The following COQ5 variants were observed in gnomAD, a reference collection of about 807,000 sequenced individuals.
COQ5 encodes coenzyme Q5, methyltransferase, also known as 2-methoxy-6-polyprenyl-1,4-benzoquinol methylase, mitochondrial.
In COQ5, 27 loss-of-function variants were observed where a neutral mutation model predicts 40.5. The ratio of observed to expected loss-of-function variants is 0.67; its 90% CI spans 0.49 to 0.92. COQ5 has a LOEUF of 0.92. Ranked by LOEUF, COQ5 falls within the 40% of genes least tolerant of loss-of-function variation. The probability of loss-of-function intolerance (pLI) is 0.00; values close to 1 mark genes in which losing one functional copy is unlikely to be tolerated. For missense variants in COQ5, 409 were observed against 406.4 expected, an observed-to-expected ratio of 1.01 and a Z score of -0.06; for synonymous variants, 141 against 150.0, an observed-to-expected ratio of 0.94 and a Z score of 0.44.
At chr12:120,516,355 T>C (rs1478490342) in intron 3 of COQ5, among the ~76,000 whole-genome samples, 1 of 152,130 alleles carries the variant, frequency 6.6e-6, no homozygotes, top group African/African-American at 2.4e-5. Context: ...CCCAGTCACA[T>C]AGGGCTGGGT....
chr12:120,505,885 C>T (rs930827295), intron 4 of COQ5, among the ~76,000 whole-genome samples: 64 of 133,594 alleles, frequency 4.8e-4, no homozygotes, highest in Middle Eastern at 6.1e-3. Flanking sequence ...GACAGAGTTT[C>T]GCTCTTGTTG....
chr12:120,522,379 C>A lies in COQ5; in HGVS notation c.203-16G>T, dbSNP rs1565933453. On this transcript the variant is annotated splice_polypyrimidine_tract_variant and intron_variant, in intron 1 of 6. Transcript: ENST00000288532. ...ACCTGATAGACTGACATGGGAGAAA[C>A]ACACACAATAGTGCTATTAACAGAA... 4.3e-6 allele frequency: 7 copies of A among 1,611,970 alleles called. 1 individual carries two copies. The Middle Eastern group carries it at 6.6e-4, about 152-fold the overall frequency.
At chr12:120,504,231 G>A (rs1868778166) in intron 5 of COQ5, 150 bp from the exon 6 acceptor site, 2 of 669,294 alleles carry the variant, frequency 3.0e-6, no homozygotes, top group Admixed American at 2.2e-5. Context: ...TCAGGTACAA[G>A]ACCAGTAGAA....
At position 120,508,130 on chromosome 12, in the gene COQ5, G is replaced by A. The variant is rs1229067348; in HGVS notation, c.681+1887C>T. On this transcript the variant is annotated intron_variant, in intron 4 of 6. Transcript: ENST00000288532. ...CCCAACTCAGCCTCCCAAGTAGCTGGGACTACAGGTTCGTGCCGCCACGCC... is the reference window on the plus strand; with the variant it reads ...CCCAACTCAGCCTCCCAAGTAGCTGAGACTACAGGTTCGTGCCGCCACGCC... 2.0e-5 allele frequency among the ~76,000 whole-genome samples: 3 copies of A among 151,942 alleles called. No individual in the cohort carries two copies. In the East Asian group the frequency reaches 5.8e-4, roughly 30 times the overall value.
intron 3 of COQ5, among the ~76,000 whole-genome samples, chr12:120,513,923 A>G (rs1366393458): frequency 2.6e-5 from 4 of 152,182 alleles, no homozygotes; most frequent in Non-Finnish European, 4.4e-5. Context: ...AGATTGATAA[A>G]ACAAGGAGGA....
chr12:120,528,896 A>G (rs1870089022), intron 1 of COQ5, 44 bp downstream of exon 1: 2 of 1,560,476 alleles, frequency 1.3e-6, no homozygotes, highest in Admixed American at 1.7e-5. Context: ...AAACCAGACC[A>G]TGGACGGTCA....
rs551993614 is a variant in COQ5, at chr12:120,522,542, T to A, written c.203-179A>T. 150 of 662,372 alleles carry A rather than the reference T, an allele frequency of 2.3e-4. 1 individual carries two copies. The highest frequency in any genetic ancestry group is 3.1e-4 in the African/African-American group (17 of 55,474). The allele number at this position is 662,372 out of a possible 1,614,324, so 41.0% of individuals were successfully genotyped here. A position where few individuals can be genotyped will look rare whatever the true frequency, so the allele number is the denominator to read the frequency against. On this transcript the variant is annotated intron_variant, in intron 1 of 6. Coordinates refer to ENST00000288532, the MANE Select transcript of COQ5 (RefSeq NM_032314.4). ...ACATTACCTCTTTATTGATTTATTT[T>A]TTTTTCCTGCCTCAGATTTATTTGT...
At chr12:120,523,915 C>A in intron 1 of COQ5, 1 of 419,366 alleles carries the variant, frequency 2.4e-6, no homozygotes, top group Non-Finnish European at 4.8e-6. Context: ...GTGGTTGGGG[C>A]AGGAGAATCA....
At chr12:120,518,140 T>G (rs756553543) in intron 2 of COQ5, among the ~76,000 whole-genome samples, 1 of 151,930 alleles carries the variant, frequency 6.6e-6, no homozygotes. Context: ...TGTTTCCGGC[T>G]GGGCTCGGTG....
chr12:120,504,737 G>C lies in COQ5; in HGVS notation c.770+158C>G. The C allele has an allele frequency of 4.3e-6, 3 of 699,262 alleles. No homozygotes were observed. The East Asian group carries it at 8.2e-5, about 19-fold the overall frequency. 43.3% of individuals were successfully genotyped at this position (699,262 alleles called of 1,614,324 possible). On this transcript the variant is annotated intron_variant, in intron 5 of 6. Coordinates refer to ENST00000288532, the MANE Select transcript of COQ5 (RefSeq NM_032314.4). ...GTAAGCCAACTTGGGTCTGGTTTGA[G>C]ACTCTTGTGGCCTAGGTATTGTCAT...
At chr12:120,509,808 T>G in intron 4 of COQ5, 1 of 573,942 alleles carries the variant, frequency 1.7e-6, no homozygotes, top group Non-Finnish European at 3.2e-6. Context: ...GGTGTGGTGG[T>G]GGGTTCCTGT....
chr12:120,510,206 G>T, intron 3 of COQ5, 83 bp from the exon 4 acceptor site: 1 of 1,079,486 alleles, frequency 9.3e-7, no homozygotes, highest in South Asian at 1.3e-5. Context: ...GTAGAGCATT[G>T]AGCTGGAGAG....
intron 4 of COQ5, among the ~76,000 whole-genome samples, chr12:120,506,430 G>C (rs151047286): frequency 1.3e-5 from 2 of 151,152 alleles, no homozygotes. Context: ...GCAGTGGCAC[G>C]ATCTCAGCTC....
chr12:120,519,559 CA>C (rs1051087769), intron 2 of COQ5, among the ~76,000 whole-genome samples: 2 of 143,022 alleles, frequency 1.4e-5, no homozygotes, highest in Non-Finnish European at 3.1e-5. Context: ...GACTCCATCT[CA>C]AAAAAAAAAG....
chr12:120,522,239 C>G lies in COQ5; in HGVS notation c.327G>C (p.Gln109His), dbSNP rs1869696321. 6 of 1,614,140 alleles carry G rather than the reference C, an allele frequency of 3.7e-6. No individual in the cohort carries two copies. Among genetic ancestry groups the G allele is most frequent in the Non-Finnish European group, 5.1e-6 (6 of 1,180,008 alleles). The change falls in exon 2 of 7, where the codon CAG becomes CAC. Residue 109 changes from glutamine to histidine, a missense_variant. Transcript: ENST00000288532. ...LWKMHPLPGT[Q>H]LLDVAGGTGD... ...CTGTGCCTCCAGCAACATCAAGCAGCTGGGTCCCAGGAAGCGGGTGCATCT... is the reference window on the plus strand; with the variant it reads ...CTGTGCCTCCAGCAACATCAAGCAGGTGGGTCCCAGGAAGCGGGTGCATCT...
intron 4 of COQ5, among the ~76,000 whole-genome samples, chr12:120,507,217 T>A (rs980462539): frequency 4.6e-5 from 7 of 152,210 alleles, no homozygotes; most frequent in Non-Finnish European, 8.8e-5. Context: ...AGCACAAGAT[T>A]AGAAGCATCT....
At chr12:120,520,634 T>A (rs1257047045) in intron 2 of COQ5, among the ~76,000 whole-genome samples, 2 of 151,822 alleles carry the variant, frequency 1.3e-5, no homozygotes, top group Admixed American at 1.3e-4. Flanking sequence ...ATCGCCCAGC[T>A]GAATTTTTGT....
At chr12:120,523,072 C>T (rs962420552) in intron 1 of COQ5, 6 of 390,156 alleles carry the variant, frequency 1.5e-5, no homozygotes, top group African/African-American at 4.2e-5. Flanking sequence ...GGCGCGGTGG[C>T]TCATGCCTGT....
chr12:120,520,491 A>T (rs963252451), intron 2 of COQ5, among the ~76,000 whole-genome samples: 4 of 151,838 alleles, frequency 2.6e-5, no homozygotes, highest in Non-Finnish European at 5.9e-5. Context: ...ACAACCGACC[A>T]ATTTTTGTAT....
Sources: allele counts gnomAD v4.1 joint callset (sites outside exome capture counted in the v4.1 genomes callset), GRCh38; gene constraint gnomAD v4.1.1; transcripts MANE v1.5; gene names NCBI Gene and HGNC (gene_info 2026-07-23, HGNC 2026-07-21).